ROS1: variants seen among roughly 807,000 people sequenced by gnomAD.
ROS1 encodes ROS proto-oncogene 1, receptor tyrosine kinase, also known as proto-oncogene tyrosine-protein kinase ROS.
ROS1 carries 263 observed loss-of-function variants against 273.5 expected under a neutral mutation model. The ratio of observed to expected loss-of-function variants is 0.96; its 90% CI spans 0.87 to 1.06. The LOEUF is 1.06. ROS1 is among the 50% of genes least tolerant of loss of function. ROS1 has a pLI of 0.00. For missense variants in ROS1, 2,833 were observed against 2,751.1 expected (o/e 1.03, Z -0.67); for synonymous variants, 1,008 against 954.1 (o/e 1.06, Z -1.04).
At chr6:117,402,574 G>T in intron 7 of ROS1, among the ~76,000 whole-genome samples, 1 of 152,134 alleles carries the variant, frequency 6.6e-6, no homozygotes, top group Non-Finnish European at 1.5e-5. Flanking sequence ...GTTTATTGCA[G>T]AATATTTCTG....
chr6:117,305,501 C>T (rs1483400532), intron 42 of ROS1, among the ~76,000 whole-genome samples: 2 of 152,084 alleles, frequency 1.3e-5, no homozygotes, highest in East Asian at 1.9e-4. Context: ...TACATTTAAT[C>T]CAATCATTAC....
intron 41 of ROS1, among the ~76,000 whole-genome samples, chr6:117,309,442 C>T (rs970314456): frequency 6.6e-6 from 1 of 152,106 alleles, no homozygotes; most frequent in Non-Finnish European, 1.5e-5. Flanking sequence ...CAGCATTTTC[C>T]TCCCAAGTTT....
At chr6:117,295,218 C>A (rs1235795591) in intron 43 of ROS1, among the ~76,000 whole-genome samples, 1 of 152,082 alleles carries the variant, frequency 6.6e-6, no homozygotes, top group Admixed American at 6.5e-5. Flanking sequence ...TACAAAGATG[C>A]CAAGAACATC....
chr6:117,412,639 C>T (rs544271831), intron 4 of ROS1, among the ~76,000 whole-genome samples: 1 of 149,062 alleles, frequency 6.7e-6, no homozygotes. Flanking sequence ...TAGATATACA[C>T]ATAGCATGTA....
At chr6:117,410,210 G>A (rs1036616540) in intron 4 of ROS1, among the ~76,000 whole-genome samples, 4 of 152,046 alleles carry the variant, frequency 2.6e-5, no homozygotes, top group South Asian at 4.1e-4. Context: ...TTGATTTGAC[G>A]ACCCTCTAAT....
intron 42 of ROS1, among the ~76,000 whole-genome samples, chr6:117,308,273 T>C (rs1024958339): frequency 3.3e-5 from 5 of 152,152 alleles, no homozygotes; most frequent in Non-Finnish European, 7.4e-5. Context: ...CAATACTTAG[T>C]CATTTTTTGT....
At position 117,369,988 on chromosome 6, in the gene ROS1, C is replaced by T. The variant is rs947984781; in HGVS notation, c.2583-3698G>A. On this transcript the variant is annotated intron_variant, in intron 18 of 43. Transcript: ENST00000368507. ...ATATGTATATACATATATGTACATA[C>T]GGATGTGTATATGGATATGAATGTA... 7.9e-5 allele frequency among the ~76,000 whole-genome samples: 12 copies of T among 151,620 alleles called. 1 individual carries two copies. Among genetic ancestry groups the T allele is most frequent in the East Asian group, 7.7e-4 (4 of 5,174 alleles).
chr6:117,354,605 A>G (rs537214151), intron 26 of ROS1, among the ~76,000 whole-genome samples: 16 of 152,294 alleles, frequency 1.1e-4, no homozygotes, highest in African/African-American at 3.4e-4. Context: ...AAGCATGACT[A>G]TTTTTAAAGA....
chr6:117,404,056 A>G (rs1774179539), intron 6 of ROS1, among the ~76,000 whole-genome samples: 1 of 152,238 alleles, frequency 6.6e-6, no homozygotes, highest in African/African-American at 2.4e-5. Context: ...TAACACGGTG[A>G]AACCGTGTCT....
rs373534757 is a variant in ROS1 at position 117,324,379 on chromosome 6, G to C, written c.5576C>G (p.Thr1859Ser). The change falls in exon 35 of 44, where the codon ACT becomes AGT. Residue 1859 changes from threonine (T) to serine (S), a missense_variant. Thr to Ser is a moderately conservative substitution (Grantham distance 58). Coordinates refer to ENST00000368507, the MANE Select transcript of ROS1 (RefSeq NM_001378902.1). ...AACCAGAAATATTCCAACTATAATA[G>C]TAAGTATGAAACTTGTTTCTGGTAT... ...FWIPETSFIL[T>S]IIVGIFLVVT... 37 of 1,520,066 alleles carry C rather than the reference G, an allele frequency of 2.4e-5. No homozygotes were observed. Among genetic ancestry groups the C allele is most frequent in the Non-Finnish European group, 3.2e-5 (35 of 1,102,966 alleles). 94.2% of individuals were successfully genotyped at this position (1,520,066 alleles called of 1,614,324 possible). A position where few individuals can be genotyped will look rare whatever the true frequency, so the allele number is the denominator to read the frequency against.
chr6:117,302,231 C>T (rs541556030), intron 42 of ROS1, among the ~76,000 whole-genome samples: 1 of 152,168 alleles, frequency 6.6e-6, no homozygotes, highest in Non-Finnish European at 1.5e-5. Context: ...CTATTTTAAA[C>T]AATCTTTTTA....
At chr6:117,369,032 A>G (rs545599401) in intron 18 of ROS1, among the ~76,000 whole-genome samples, 16 of 152,246 alleles carry the variant, frequency 1.1e-4, no homozygotes, top group Admixed American at 5.9e-4. Flanking sequence ...TGTGACTTGC[A>G]TTATATTTGT....
chr6:117,396,953 A>C lies in ROS1; in HGVS notation c.768T>G (p.Ser256Arg). 1 of 1,614,058 alleles carries C rather than the reference A, an allele frequency of 6.2e-7. No homozygotes were observed. The highest frequency in any genetic ancestry group is 1.1e-5 in the South Asian group (1 of 91,058). ...QKLDAGTQRT[S>R]FQFYSTLPNT... ...TTGGTAAAGTGGAGTAAAACTGGAA[A>C]CTGGTTCTCTGTGTCCCTGCATCTA... The change falls in exon 8 of 44, where the codon AGT becomes AGG. Residue 256 changes from serine to arginine, a missense_variant. Ser to Arg is a moderately radical substitution (Grantham distance 110, BLOSUM62 -1). Transcript: ENST00000368507.
At chr6:117,302,345 G>T (rs1300890118) in intron 42 of ROS1, among the ~76,000 whole-genome samples, 1 of 152,100 alleles carries the variant, frequency 6.6e-6, no homozygotes, top group Non-Finnish European at 1.5e-5. Flanking sequence ...GATATATGTT[G>T]AGTACGAGGC....
intron 15 of ROS1, 126 bp from the exon 16 acceptor site, chr6:117,385,987 C>T (rs1772549213): frequency 6.9e-6 from 5 of 721,010 alleles, no homozygotes; most frequent in African/African-American, 3.6e-5. Flanking sequence ...TTCACTAGAA[C>T]TTGATCTGTC....
intron 32 of ROS1, 62 bp downstream of exon 32, chr6:117,337,110 T>C: frequency 2.4e-6 from 3 of 1,270,824 alleles, no homozygotes; most frequent in Non-Finnish European, 3.4e-6. Context: ...ATTAGTGAAA[T>C]AAGTGATAAG....
rs1448921316 is a variant in ROS1, at chr6:117,425,682, A to G, written c.-26T>C. 8 of 1,609,124 alleles carry G rather than the reference A, an allele frequency of 5.0e-6. No individual in the cohort carries two copies. In the South Asian group the frequency reaches 7.8e-5, roughly 16 times the overall value. On this transcript the variant is annotated 5_prime_UTR_variant, in exon 1 of 44. Transcript: ENST00000368507. ...CACTTCACCAATGGCAGATTTTTAG[A>G]TGGCCGGTCTAATTTTCTCCATTTT... is the stretch of plus-strand genomic sequence containing the variant.
At chr6:117,310,622 T>G (rs1347906606) in intron 40 of ROS1, among the ~76,000 whole-genome samples, 2 of 152,080 alleles carry the variant, frequency 1.3e-5, no homozygotes, top group Admixed American at 1.3e-4. Flanking sequence ...AACTCCCACT[T>G]ATGAGTGAGA....
Position 117,324,494 on chromosome 6 carries a change from T to A in ROS1, c.5540-79A>T, listed in dbSNP as rs751287370. ...CCCAGCTCTACCTAAGCACACAGAG[T>A]AATATAGCAGAGCTAGCTACTACTG... On this transcript the variant is annotated intron_variant, in intron 34 of 43. Transcript: ENST00000368507. The A allele has an allele frequency of 2.8e-4, 191 of 674,752 alleles. 1 individual carries two copies. Among genetic ancestry groups the A allele is most frequent in the Admixed American group, 5.0e-4 (17 of 33,794 alleles). 41.8% of individuals were successfully genotyped at this position (674,752 alleles called of 1,614,324 possible).
Sources: gnomAD v4.1 joint callset for allele counts (sites outside exome capture counted in the v4.1 genomes callset) on GRCh38, gnomAD v4.1.1 for gene constraint, MANE v1.5 for transcripts, NCBI Gene and HGNC (gene_info 2026-07-23, HGNC 2026-07-21) for gene names.